Variants in DAPK2 observed in about 807,000 individuals in gnomAD.
DAPK2 encodes death-associated protein kinase 2.
Under a neutral mutation model 44.1 loss-of-function variants are expected in DAPK2, and 35 were observed. The observed-to-expected ratio is 0.79, with a 90% CI of 0.61 to 1.05. DAPK2 has a LOEUF of 1.05. Among genes scored for constraint, DAPK2 ranks in the 50% least tolerant of loss-of-function variants. DAPK2 has a pLI of 0.00. For missense variants in DAPK2, 453 were observed against 483.2 expected (o/e 0.94, Z 0.59); for synonymous variants, 174 against 182.6 (o/e 0.95, Z 0.38).
rs192746080 is a variant in DAPK2, at chr15:63,994,383, G to T, written c.93-10629C>A. Among the ~76,000 whole-genome samples the T allele has an allele frequency of 1.1e-3, 162 of 150,992 alleles. 1 individual carries two copies. Among genetic ancestry groups the T allele is most frequent in the African/African-American group, 3.7e-3 (152 of 40,992 alleles). ...AAATAAAACATTCTTGATTGTTTTTGATTAGAAAAAGAAGAATGTTAAAAG... is the reference window on the plus strand; with the variant it reads ...AAATAAAACATTCTTGATTGTTTTTTATTAGAAAAAGAAGAATGTTAAAAG... On this transcript the variant is annotated intron_variant, in intron 1 of 10. Transcript: ENST00000261891.
At chr15:64,045,362 C>T (rs1272441444) in intron 1 of DAPK2, among the ~76,000 whole-genome samples, 1 of 152,164 alleles carries the variant, frequency 6.6e-6, no homozygotes, top group East Asian at 1.9e-4. Flanking sequence ...GGCCAAGGCA[C>T]CACGGCCTCT....
intron 3 of DAPK2, among the ~76,000 whole-genome samples, chr15:63,965,724 TG>T (rs2078036786): frequency 6.6e-6 from 1 of 152,196 alleles, no homozygotes; most frequent in Admixed American, 6.5e-5. Flanking sequence ...TCTCCCCCCA[TG>T]GCCCCCACTG....
At position 63,939,292 on chromosome 15, in the gene DAPK2, C is replaced by G. The variant is rs776392199; in HGVS notation, c.523G>C (p.Ala175Pro). The G allele has an allele frequency of 6.2e-7, 1 of 1,613,700 alleles. No homozygotes were observed. The highest frequency in any genetic ancestry group is 1.3e-5 in the African/African-American group (1 of 74,860). ...TCAACTCCATCTTCTATTTCGTGAG[C>G]CAGACCAAAGTCAATCAGCTTGATG... is the stretch of plus-strand genomic sequence containing the variant. Residue 175 changes from alanine (A) to proline (P), a missense_variant, in exon 4 of 11, where the codon GCT becomes CCT. Coordinates refer to ENST00000261891, the Ensembl canonical transcript of DAPK2. The surrounding 1 kb of genome is among the most constrained non-coding windows in gnomAD (Gnocchi z 4.3).
chr15:63,997,767 G>A (rs1477518836), intron 1 of DAPK2, among the ~76,000 whole-genome samples: 1 of 152,186 alleles, frequency 6.6e-6, no homozygotes, highest in Non-Finnish European at 1.5e-5. Flanking sequence ...GAGTCAAAGA[G>A]GGGCAGAGGT....
chr15:63,939,109 A>G lies in DAPK2; in HGVS notation c.583+123T>C, dbSNP rs1221959280. 3.4e-6 allele frequency: 5 copies of G among 1,488,114 alleles called. No individual in the cohort carries two copies. Among genetic ancestry groups the G allele is most frequent in the Non-Finnish European group, 3.6e-6 (4 of 1,113,832 alleles). The allele number at this position is 1,488,114 out of a possible 1,614,324, so 92.2% of individuals were successfully genotyped here. ...TTCCTTCCCCACCCATTAGGTTTCT[A>G]GAGATGTCCCAATGCATCATCTCTT... On this transcript the variant is annotated intron_variant, in intron 4 of 10. Transcript: ENST00000261891. The surrounding 1 kb of genome is among the most constrained non-coding windows in gnomAD (Gnocchi z 4.3).
At chr15:63,958,800 T>C (rs2077802252) in intron 3 of DAPK2, among the ~76,000 whole-genome samples, 1 of 152,228 alleles carries the variant, frequency 6.6e-6, no homozygotes, top group African/African-American at 2.4e-5. Context: ...TGCCTCCAGC[T>C]TTGTTCTTTT....
rs535780037 is a variant in DAPK2 at position 63,977,351 on chromosome 15, A to C, written c.315-5790T>G. On this transcript the variant is annotated intron_variant, in intron 2 of 10. Coordinates refer to ENST00000261891, the Ensembl canonical transcript of DAPK2. The stretch of plus-strand genomic sequence containing the variant: ...ACCTTGGGCAGGTGCTGGAAGCTGG[A>C]GCACCCTCCCAGCTGCTGGAGTAAC... Among the ~76,000 whole-genome samples the C allele has an allele frequency of 1.1e-3, 172 of 152,188 alleles. 1 individual carries two copies. Among genetic ancestry groups the C allele is most frequent in the African/African-American group, 3.9e-3 (164 of 41,542 alleles).
At chr15:63,920,040 A>G (rs2079029442) in intron 8 of DAPK2, 1 of 152,224 alleles carries the variant, frequency 6.6e-6, no homozygotes, top group African/African-American at 2.4e-5. Flanking sequence ...AGCTTTTGCC[A>G]TCTTTCATTG....
At position 64,046,275 on chromosome 15, in the gene DAPK2, G is replaced by A; in HGVS notation, c.-7+23C>T. ...CCGCGCGCCCCGTCCCGCCCATCGA[G>A]CCCGCAGACGGGTGCTACTCACGGC... On this transcript the variant is annotated intron_variant, in intron 1 of 11. Transcript: ENST00000457488. The surrounding 1 kb of genome is among the most constrained non-coding windows in gnomAD (Gnocchi z 5.3). The A allele has an allele frequency of 1.0e-6, 1 of 977,284 alleles. No individual in the cohort carries two copies. Among genetic ancestry groups the A allele is most frequent in the Non-Finnish European group, 1.2e-6 (1 of 823,050 alleles). The allele number at this position is 977,284 out of a possible 1,614,324, so 60.5% of individuals were successfully genotyped here.
At chr15:63,989,748 G>C (rs1414889815) in intron 1 of DAPK2, among the ~76,000 whole-genome samples, 1 of 152,144 alleles carries the variant, frequency 6.6e-6, no homozygotes, top group Non-Finnish European at 1.5e-5. Flanking sequence ...CTGGAGTACA[G>C]TGGTGCAATC....
In DAPK2 at chr15:63,939,378, AG is replaced by A. The variant is rs1483021202; in HGVS notation, c.454-18del. 2.1e-5 allele frequency: 32 copies of A among 1,546,848 alleles called. No homozygotes were observed. The highest frequency in any genetic ancestry group is 9.0e-5 in the East Asian group (4 of 44,284). On this transcript the variant is annotated intron_variant, in intron 3 of 10. Transcript: ENST00000261891. The surrounding 1 kb of genome is among the most constrained non-coding windows in gnomAD (Gnocchi z 4.3). Reference sequence around the variant, plus strand: ...GTTTTCTGGCTGGACAACAAAAAGTAGAAAAAAAAAAAAGGAAGGAAGAAAA... The same window carrying A: ...GTTTTCTGGCTGGACAACAAAAAGTAAAAAAAAAAAAAGGAAGGAAGAAAA...
chr15:63,962,013 C>G (rs961408022), intron 3 of DAPK2, among the ~76,000 whole-genome samples: 6 of 152,172 alleles, frequency 3.9e-5, no homozygotes, highest in African/African-American at 1.4e-4. Context: ...TTCACGTAGT[C>G]CATATTTCTT....
intron 8 of DAPK2, chr15:63,920,005 C>A (rs1356778124): frequency 6.6e-6 from 1 of 152,224 alleles, no homozygotes; most frequent in Admixed American, 6.5e-5. Context: ...TGAACCAATT[C>A]TCTGGGGTAA....
intron 3 of DAPK2, among the ~76,000 whole-genome samples, chr15:63,951,647 T>C (rs972480039): frequency 4.6e-5 from 7 of 152,194 alleles, no homozygotes; most frequent in Non-Finnish European, 8.8e-5. Flanking sequence ...TCCTAGTAGA[T>C]GATGGGCTCC....
intron 1 of DAPK2, among the ~76,000 whole-genome samples, chr15:64,010,391 C>G (rs2079358017): frequency 6.6e-6 from 1 of 152,194 alleles, no homozygotes; most frequent in African/African-American, 2.4e-5. Flanking sequence ...AATAATATAA[C>G]AACAGTATTG....
rs142903255 is a variant in DAPK2 at position 63,975,289 on chromosome 15, A to G, written c.315-3728T>C. Among the ~76,000 whole-genome samples the G allele has an allele frequency of 4.7e-3, 714 of 152,318 alleles. 6 individuals are homozygous for G. The highest frequency in any genetic ancestry group is 0.017 in the African/African-American group (691 of 41,566). On this transcript the variant is annotated intron_variant, in intron 2 of 10. Transcript: ENST00000261891. ...TCCAGATCCCACCATAGACTTTAAC[A>G]AATTAGATTCTCCAGCAGTGAGGCC...
intron 3 of DAPK2, among the ~76,000 whole-genome samples, chr15:63,970,554 G>A (rs925752061): frequency 6.6e-6 from 1 of 152,034 alleles, no homozygotes; most frequent in East Asian, 1.9e-4. Context: ...CTACACTAAG[G>A]TTCCTGGAAA....
intron 3 of DAPK2, among the ~76,000 whole-genome samples, chr15:63,969,741 T>TA (rs11331070): frequency 0.058 from 8,328 of 143,860 alleles, 257 homozygotes; most frequent in African/African-American, 0.082. Flanking sequence ...CTATCTCTAT[T>TA]AAAAAAAAAA....
chr15:64,029,688 A>G (rs2079955661), intron 1 of DAPK2: 1 of 152,288 alleles, frequency 6.6e-6, no homozygotes, highest in African/African-American at 2.4e-5. Context: ...TGGGTGCCCA[A>G]GAATATTTAT....
Sources: gnomAD v4.1 joint callset for allele counts (sites outside exome capture counted in the v4.1 genomes callset) on GRCh38, gnomAD v4.1.1 for gene constraint, Gnocchi (gnomAD v3.1) non-coding constraint, MANE v1.5 for transcripts, NCBI Gene and HGNC (gene_info 2026-07-23, HGNC 2026-07-21) for gene names.